The following SNTG1 variants were observed in gnomAD, a reference collection of about 807,000 sequenced individuals.
SNTG1 encodes the protein syntrophin gamma 1.
A neutral mutation model predicts 74.7 loss-of-function variants in SNTG1; 39 were observed. That is an observed-to-expected ratio of 0.52 (90% CI 0.40 to 0.68). The LOEUF is 0.68. SNTG1 is among the 30% of genes least tolerant of loss of function. The pLI is 0.00. For synonymous variants in SNTG1, 254 were observed against 217.1 expected, an observed-to-expected ratio of 1.17 and a Z score of -1.49; for missense variants, 685 against 609.5, an observed-to-expected ratio of 1.12 and a Z score of -1.30.
intron 5 of SNTG1, among the ~76,000 whole-genome samples, chr8:50,443,996 G>C (rs999251010): frequency 9.2e-5 from 14 of 151,936 alleles, no homozygotes; most frequent in African/African-American, 3.4e-4. Flanking sequence ...AAATTATCTG[G>C]GCATGGTGGC....
intron 2 of SNTG1, among the ~76,000 whole-genome samples, chr8:50,257,457 G>A (rs1440522216): frequency 6.6e-6 from 1 of 152,154 alleles, no homozygotes; most frequent in African/African-American, 2.4e-5. Context: ...AGGACAAAGA[G>A]CCTCACAGCT....
chr8:50,129,269 TC>T (rs2081241762), intron 1 of SNTG1, among the ~76,000 whole-genome samples: 1 of 152,124 alleles, frequency 6.6e-6, no homozygotes, highest in Non-Finnish European at 1.5e-5. Context: ...ATTCAGAGCA[TC>T]GCATATGGCA....
chr8:50,202,398 T>A (rs982758087), intron 2 of SNTG1, among the ~76,000 whole-genome samples: 1 of 152,122 alleles, frequency 6.6e-6, no homozygotes, highest in African/African-American at 2.4e-5. Flanking sequence ...GCTCTTTGTA[T>A]CATCTTTATA....
chr8:50,536,904 A>G, intron 11 of SNTG1, 96 bp downstream of exon 11: 1 of 1,424,302 alleles, frequency 7.0e-7, no homozygotes, highest in South Asian at 1.4e-5. Context: ...TTATGATTTT[A>G]GTATGTTTTT....
At chr8:49,994,390 G>T (rs1813993383) in intron 1 of SNTG1, among the ~76,000 whole-genome samples, 1 of 150,148 alleles carries the variant, frequency 6.7e-6, no homozygotes, top group Non-Finnish European at 1.5e-5. Flanking sequence ...ATAGTAGCTG[G>T]GGTTACAGGC....
At chr8:50,298,033 TA>T (rs5891360) in intron 2 of SNTG1, among the ~76,000 whole-genome samples, 135,346 of 150,344 alleles carry the variant, frequency 0.9, 60,971 homozygotes, top group East Asian at 0.98. Context: ...GTTGAAAAGC[TA>T]AAAAAAAAAA....
chr8:50,534,105 C>T (rs1474770269), intron 10 of SNTG1, among the ~76,000 whole-genome samples: 2 of 151,822 alleles, frequency 1.3e-5, no homozygotes, highest in Non-Finnish European at 2.9e-5. Context: ...TAAAAAAATC[C>T]AAATTATTTT....
In SNTG1 at chr8:50,076,722, G is replaced by A. The variant is rs554836695; in HGVS notation, c.-102-95839G>A. Among the ~76,000 whole-genome samples, 6 of 151,862 alleles carry A rather than the reference G, an allele frequency of 4.0e-5. No individual in the cohort carries two copies. In the South Asian group the frequency reaches 1.2e-3, roughly 31 times the overall value. On this transcript the variant is annotated intron_variant, in intron 1 of 18. Transcript: ENST00000642720. ...TAATTAAGCTTTCATATACTCCTAA[G>A]GTACAAAATGTTGAGTTCCTTGGAA...
At chr8:50,356,474 C>A (rs1279920622) in intron 2 of SNTG1, among the ~76,000 whole-genome samples, 2 of 152,082 alleles carry the variant, frequency 1.3e-5, no homozygotes, top group Non-Finnish European at 1.5e-5. Flanking sequence ...ATTTGTGCTG[C>A]TATAACAAAA....
At chr8:50,611,648 G>A (rs533742875) in intron 13 of SNTG1, among the ~76,000 whole-genome samples, 2 of 152,298 alleles carry the variant, frequency 1.3e-5, no homozygotes, top group Admixed American at 1.3e-4. Context: ...TAAGCCAAGT[G>A]TGGTGGTACA....
At chr8:49,998,997 G>A (rs1295276910) in intron 1 of SNTG1, among the ~76,000 whole-genome samples, 1 of 152,032 alleles carries the variant, frequency 6.6e-6, no homozygotes, top group East Asian at 1.9e-4. Flanking sequence ...CTTGTGTAAT[G>A]CATTGCTTGA....
chr8:50,690,307 T>C (rs1431888918), intron 15 of SNTG1, among the ~76,000 whole-genome samples: 1 of 152,186 alleles, frequency 6.6e-6, no homozygotes, highest in Non-Finnish European at 1.5e-5. Context: ...ATGTGTTTGC[T>C]CTTGCTTCTC....
intron 1 of SNTG1, among the ~76,000 whole-genome samples, chr8:49,955,701 G>C (rs1276645148): frequency 6.6e-6 from 1 of 152,198 alleles, no homozygotes; most frequent in East Asian, 1.9e-4. Context: ...CTCAGTAAAA[G>C]ACAAAGGCTA....
chr8:49,994,421 A>AT (rs35821274), intron 1 of SNTG1, among the ~76,000 whole-genome samples: 75,272 of 135,006 alleles, frequency 0.56, 22,803 homozygotes, highest in East Asian at 0.75. Context: ...ATGCCCGGCT[A>AT]TTTTTTTTTT....
intron 13 of SNTG1, among the ~76,000 whole-genome samples, chr8:50,611,186 G>T (rs2094847337): frequency 6.6e-6 from 1 of 152,080 alleles, no homozygotes; most frequent in South Asian, 2.1e-4. Context: ...TGTATCCTTT[G>T]GCAAAGGGTC....
At chr8:50,740,683 T>A (rs966239755) in intron 17 of SNTG1, among the ~76,000 whole-genome samples, 1 of 152,032 alleles carries the variant, frequency 6.6e-6, no homozygotes, top group African/African-American at 2.4e-5. Context: ...TAAAGAGAGA[T>A]GCACAAGTAT....
intron 1 of SNTG1, among the ~76,000 whole-genome samples, chr8:50,046,339 C>T (rs1819080894): frequency 6.6e-6 from 1 of 152,096 alleles, no homozygotes; most frequent in Admixed American, 6.6e-5. Context: ...GCTCTTTGAT[C>T]TATTTTCTCA....
intron 17 of SNTG1, among the ~76,000 whole-genome samples, chr8:50,723,960 G>T (rs1007221885): frequency 2.6e-5 from 4 of 152,114 alleles, no homozygotes; most frequent in Admixed American, 2.0e-4. Context: ...AATGAGAAGT[G>T]TTAAATCAGA....
intron 2 of SNTG1, among the ~76,000 whole-genome samples, chr8:50,355,004 TAAGAA>T (rs1175066111): frequency 3.9e-5 from 6 of 152,168 alleles, no homozygotes; most frequent in African/African-American, 1.2e-4. Flanking sequence ...ACGTGTCTTT[TAAGAA>T]AAGAAAACTC....
Sources: allele counts gnomAD v4.1 joint callset (sites outside exome capture counted in the v4.1 genomes callset), GRCh38; gene constraint gnomAD v4.1.1; transcripts MANE v1.5; gene names NCBI Gene and HGNC (gene_info 2026-07-23, HGNC 2026-07-21).